The following CNBD1 variants were observed in gnomAD, a reference collection of about 807,000 sequenced individuals.
The protein encoded by CNBD1 is cyclic nucleotide binding domain containing 1, also known as cyclic nucleotide-binding domain-containing protein 1.
CNBD1 carries 71 observed loss-of-function variants against 54.4 expected under a neutral mutation model. That is an observed-to-expected ratio of 1.30 (90% CI 1.08 to 1.59). The LOEUF is 1.59. Ranked by LOEUF, CNBD1 falls within the 40% of genes most tolerant of loss-of-function variation. CNBD1 has a pLI of 0.00. For missense variants in CNBD1, 659 were observed against 518.0 expected (o/e 1.27, Z -2.64); for synonymous variants, 182 against 170.7 (o/e 1.07, Z -0.51).
At chr8:87,314,130 A>G (rs955914559) in intron 8 of CNBD1, among the ~76,000 whole-genome samples, 1 of 151,926 alleles carries the variant, frequency 6.6e-6, no homozygotes, top group Non-Finnish European at 1.5e-5. Context: ...ATTCAGTATA[A>G]TATGGGAGCT....
intron 2 of CNBD1, among the ~76,000 whole-genome samples, chr8:87,390,297 C>T (rs1410909137): frequency 6.6e-6 from 1 of 152,142 alleles, no homozygotes; most frequent in Non-Finnish European, 1.5e-5. Context: ...AAACTACCAT[C>T]AGAGTGAACA....
At chr8:87,180,164 A>G (rs75489510) in intron 4 of CNBD1, among the ~76,000 whole-genome samples, 1 of 152,212 alleles carries the variant, frequency 6.6e-6, no homozygotes, top group Non-Finnish European at 1.5e-5. Flanking sequence ...AGAAAAAAAA[A>G]TACCCAAGCC....
intron 5 of CNBD1, among the ~76,000 whole-genome samples, chr8:87,212,447 T>C (rs1814118878): frequency 6.6e-6 from 1 of 152,154 alleles, no homozygotes; most frequent in Admixed American, 6.5e-5. Context: ...CTCACACTTC[T>C]CTATTTCAAA....
At chr8:87,389,899 G>C (rs1210753654) in intron 2 of CNBD1, among the ~76,000 whole-genome samples, 1 of 152,066 alleles carries the variant, frequency 6.6e-6, no homozygotes, top group African/African-American at 2.4e-5. Context: ...CCTAAACAGA[G>C]ATATAGACCA....
At chr8:86,966,695 T>C (rs1268553147) in intron 4 of CNBD1, among the ~76,000 whole-genome samples, 1 of 152,142 alleles carries the variant, frequency 6.6e-6, no homozygotes, top group African/African-American at 2.4e-5. Context: ...CCGGATAGGT[T>C]TGTGGTCTTG....
intron 8 of CNBD1, among the ~76,000 whole-genome samples, chr8:87,315,743 A>G (rs1431063051): frequency 1.3e-5 from 2 of 152,038 alleles, no homozygotes; most frequent in Admixed American, 1.3e-4. Context: ...AGGTTGGTTA[A>G]TGGTTTCAAA....
At chr8:87,342,734 GA>G (rs1156958258) in intron 8 of CNBD1, among the ~76,000 whole-genome samples, 1 of 152,124 alleles carries the variant, frequency 6.6e-6, no homozygotes, top group African/African-American at 2.4e-5. Flanking sequence ...TTCAGAAGGG[GA>G]GGGGGCACAC....
intron 10 of CNBD1, among the ~76,000 whole-genome samples, chr8:87,382,317 A>T (rs1811094419): frequency 6.6e-6 from 1 of 151,884 alleles, no homozygotes; most frequent in South Asian, 2.1e-4. Flanking sequence ...ATCAATTTAA[A>T]ATATCAGCAA....
chr8:87,317,861 G>C (rs1054740044), intron 8 of CNBD1, among the ~76,000 whole-genome samples: 6 of 142,818 alleles, frequency 4.2e-5, no homozygotes, highest in Non-Finnish European at 7.8e-5. Context: ...ATGTTTCACT[G>C]TTTCTCTGTT....
chr8:87,355,433 G>T (rs750433428), intron 10 of CNBD1, among the ~76,000 whole-genome samples: 1 of 152,010 alleles, frequency 6.6e-6, no homozygotes, highest in East Asian at 1.9e-4. Flanking sequence ...ATCTAAGGCT[G>T]GTAGTATATA....
At chr8:87,420,627 A>C (rs867905187) in intron 2 of CNBD1, among the ~76,000 whole-genome samples, 10 of 152,092 alleles carry the variant, frequency 6.6e-5, no homozygotes, top group African/African-American at 2.4e-4. Context: ...AAATCTACCT[A>C]CTTAACGACC....
chr8:86,868,878 A>G (rs1808401074), intron 1 of CNBD1, among the ~76,000 whole-genome samples: 1 of 152,064 alleles, frequency 6.6e-6, no homozygotes, highest in African/African-American at 2.4e-5. Flanking sequence ...TTGAGATGGG[A>G]GAATATTCCG....
At chr8:87,365,331 A>G (rs1426956351) in intron 10 of CNBD1, among the ~76,000 whole-genome samples, 2 of 151,836 alleles carry the variant, frequency 1.3e-5, no homozygotes, top group Admixed American at 1.3e-4. Flanking sequence ...TCTTTTGCTC[A>G]GTTTTTAATG....
intron 4 of CNBD1, among the ~76,000 whole-genome samples, chr8:87,179,057 C>T (rs140190822): frequency 0.013 from 2,007 of 152,128 alleles, 12 homozygotes; most frequent in Middle Eastern, 0.017. Context: ...ACTACAGGTG[C>T]GTGCCACCAT....
At chr8:87,389,851 T>A (rs899942741) in intron 2 of CNBD1, among the ~76,000 whole-genome samples, 4 of 152,102 alleles carry the variant, frequency 2.6e-5, no homozygotes, top group Admixed American at 6.6e-5. Flanking sequence ...CAAACTATAC[T>A]ACAAGGCTAC....
chr8:87,383,822 C>A (rs1811135380), downstream of CNBD1, among the ~76,000 whole-genome samples: 1 of 152,074 alleles, frequency 6.6e-6, no homozygotes, highest in Non-Finnish European at 1.5e-5. Context: ...ATGACTTCTC[C>A]AGCACCATGC....
chr8:87,276,408 C>T (rs1808480652), intron 6 of CNBD1, among the ~76,000 whole-genome samples: 1 of 151,790 alleles, frequency 6.6e-6, no homozygotes, highest in African/African-American at 2.4e-5. Flanking sequence ...ACCAGAATCT[C>T]CACCTTTATG....
intron 6 of CNBD1, among the ~76,000 whole-genome samples, chr8:87,240,973 C>A (rs569137709): frequency 1.3e-5 from 2 of 152,002 alleles, no homozygotes; most frequent in Admixed American, 1.3e-4. Flanking sequence ...TTTTGTGGGT[C>A]CCCCCAGTTG....
chr8:86,964,846 A>T (rs1808029374), intron 4 of CNBD1, among the ~76,000 whole-genome samples: 1 of 152,200 alleles, frequency 6.6e-6, no homozygotes, highest in Non-Finnish European at 1.5e-5. Context: ...AGGCTGAATC[A>T]ATCCCACAAC....
Sources: allele counts gnomAD v4.1 joint callset (sites outside exome capture counted in the v4.1 genomes callset), GRCh38; gene constraint gnomAD v4.1.1; transcripts MANE v1.5; gene names NCBI Gene and HGNC (gene_info 2026-07-23, HGNC 2026-07-21).